Variants in SORCS3 observed in about 807,000 individuals in gnomAD.
SORCS3 encodes VPS10 domain-containing receptor SorCS3.
In SORCS3, 57 loss-of-function variants were observed where a neutral mutation model predicts 146.3. The ratio of observed to expected loss-of-function variants is 0.39; its 90% CI spans 0.31 to 0.49. SORCS3 has a LOEUF of 0.49. Among genes scored for constraint, SORCS3 ranks in the 20% least tolerant of loss-of-function variants. The probability of loss-of-function intolerance (pLI) is 0.92; values close to 1 mark genes in which losing one functional copy is unlikely to be tolerated. For missense variants in SORCS3, 1,341 were observed against 1,575.5 expected (o/e 0.85, Z 2.52); for synonymous variants, 653 against 618.5 (o/e 1.06, Z -0.83).
chr10:104,932,396 CTGGAAGTGAGGGAGAAAGAAG>C (rs1251520664), intron 3 of SORCS3, among the ~76,000 whole-genome samples: 2 of 152,194 alleles, frequency 1.3e-5, no homozygotes, highest in Non-Finnish European at 2.9e-5. Context: ...CTATCAACCC[CTGGAAGTGAGGGAGAAAGAAG>C]TGGTGAGGAA....
chr10:104,668,847 C>T (rs2015816191), intron 1 of SORCS3, among the ~76,000 whole-genome samples: 1 of 152,176 alleles, frequency 6.6e-6, no homozygotes, highest in South Asian at 2.1e-4. Flanking sequence ...GGAACTAATT[C>T]CCGAGAGCCT....
At chr10:104,930,375 C>A (rs1457342659) in intron 3 of SORCS3, among the ~76,000 whole-genome samples, 3 of 152,168 alleles carry the variant, frequency 2.0e-5, no homozygotes, top group Non-Finnish European at 4.4e-5. Context: ...TGTTATTGGT[C>A]TCTCCTGGCT....
intron 1 of SORCS3, among the ~76,000 whole-genome samples, chr10:104,834,575 C>A (rs552774028): frequency 6.6e-6 from 1 of 151,910 alleles, no homozygotes; most frequent in Non-Finnish European, 1.5e-5. Context: ...TGCCACCCCC[C>A]CAGCCCACCC....
chr10:105,242,964 T>G (rs1415488850), intron 20 of SORCS3, among the ~76,000 whole-genome samples: 1 of 123,984 alleles, frequency 8.1e-6, no homozygotes, highest in Non-Finnish European at 1.6e-5. Flanking sequence ...ATATTATATA[T>G]TGTATGATAT....
intron 20 of SORCS3, among the ~76,000 whole-genome samples, chr10:105,229,037 T>C (rs2056751971): frequency 1.3e-5 from 2 of 152,170 alleles, no homozygotes; most frequent in African/African-American, 4.8e-5. Context: ...GCTTTGCTCA[T>C]TTTTAAAAAT....
chr10:104,747,699 G>C (rs2016927270), intron 1 of SORCS3, among the ~76,000 whole-genome samples: 1 of 152,202 alleles, frequency 6.6e-6, no homozygotes, highest in Non-Finnish European at 1.5e-5. Flanking sequence ...TGTTCTTTAA[G>C]AGAGACACTG....
intron 12 of SORCS3, among the ~76,000 whole-genome samples, chr10:105,165,211 A>G (rs2119521409): frequency 6.6e-6 from 1 of 152,174 alleles, no homozygotes; most frequent in Admixed American, 6.5e-5. Flanking sequence ...TAAATAGGAG[A>G]AATGGGTTCG....
At chr10:105,079,921 G>A (rs912374849) in intron 5 of SORCS3, among the ~76,000 whole-genome samples, 5 of 152,262 alleles carry the variant, frequency 3.3e-5, no homozygotes, top group Admixed American at 1.3e-4. Context: ...GGTGTACCAT[G>A]GTGTATATGT....
chr10:105,210,757 G>A (rs1469434119), intron 16 of SORCS3, among the ~76,000 whole-genome samples: 2 of 152,120 alleles, frequency 1.3e-5, no homozygotes, highest in Admixed American at 6.5e-5. Flanking sequence ...CAGAGAGGGT[G>A]AGTCATTGTC....
intron 25 of SORCS3, among the ~76,000 whole-genome samples, chr10:105,259,897 T>C (rs1233616148): frequency 1.3e-5 from 2 of 152,196 alleles, no homozygotes; most frequent in African/African-American, 4.8e-5. Flanking sequence ...ACTCCTCTTA[T>C]TTAAACCTGT....
intron 14 of SORCS3, among the ~76,000 whole-genome samples, chr10:105,182,940 T>G (rs2056451979): frequency 6.6e-6 from 1 of 152,142 alleles, no homozygotes; most frequent in Non-Finnish European, 1.5e-5. Flanking sequence ...TGAGCTCAAG[T>G]GATCTGCCCA....
At chr10:105,049,335 C>T (rs2055395629) in intron 5 of SORCS3, among the ~76,000 whole-genome samples, 1 of 152,024 alleles carries the variant, frequency 6.6e-6, no homozygotes, top group South Asian at 2.1e-4. Context: ...GACTCTAAAG[C>T]TATTCTGTCA....
At chr10:105,045,556 G>T (rs2055366064) in intron 5 of SORCS3, among the ~76,000 whole-genome samples, 1 of 151,986 alleles carries the variant, frequency 6.6e-6, no homozygotes, top group Non-Finnish European at 1.5e-5. Flanking sequence ...ACAGAATTCA[G>T]GGTTTTCTAA....
intron 1 of SORCS3, among the ~76,000 whole-genome samples, chr10:104,823,034 G>A (rs748661526): frequency 3.3e-5 from 5 of 152,282 alleles, no homozygotes; most frequent in Non-Finnish European, 5.9e-5. Context: ...TTTGTAAAAG[G>A]AGCTAAAGAG....
chr10:105,123,576 C>G (rs190415508), intron 7 of SORCS3, among the ~76,000 whole-genome samples: 1 of 152,176 alleles, frequency 6.6e-6, no homozygotes, highest in Admixed American at 6.5e-5. Flanking sequence ...GGAGATTATG[C>G]TATATATAAG....
intron 5 of SORCS3, among the ~76,000 whole-genome samples, chr10:105,057,268 A>G (rs1165770179): frequency 6.6e-6 from 1 of 152,110 alleles, no homozygotes; most frequent in Non-Finnish European, 1.5e-5. Context: ...TTAGCTTTGT[A>G]TATTGGACTT....
intron 20 of SORCS3, among the ~76,000 whole-genome samples, chr10:105,240,341 G>A (rs963635246): frequency 5.3e-5 from 8 of 152,210 alleles, no homozygotes; most frequent in African/African-American, 1.9e-4. Context: ...ATTCTCTAAA[G>A]AGAAAACTAT....
chr10:104,961,705 G>A (rs1482763902), intron 3 of SORCS3, among the ~76,000 whole-genome samples: 2 of 152,166 alleles, frequency 1.3e-5, no homozygotes, highest in Non-Finnish European at 2.9e-5. Context: ...CTGGCAGAGG[G>A]ACAGTGCCTC....
At chr10:104,658,754 T>C (rs897973136) in intron 1 of SORCS3, among the ~76,000 whole-genome samples, 1 of 152,182 alleles carries the variant, frequency 6.6e-6, no homozygotes, top group Non-Finnish European at 1.5e-5. Flanking sequence ...ATGATGGTGA[T>C]AGCTTACAAT....
Sources: allele counts gnomAD v4.1 joint callset (sites outside exome capture counted in the v4.1 genomes callset), GRCh38; gene constraint gnomAD v4.1.1; transcripts MANE v1.5; gene names NCBI Gene and HGNC (gene_info 2026-07-23, HGNC 2026-07-21).